The following NR2E1 variants were observed in gnomAD, a reference collection of about 807,000 sequenced individuals.
The protein encoded by NR2E1 is nuclear receptor subfamily 2 group E member 1, also known as nuclear receptor TLX.
A neutral mutation model predicts 43.6 loss-of-function variants in NR2E1; 5 were observed. That is an observed-to-expected ratio of 0.11 (90% CI 0.06 to 0.24). The LOEUF (loss-of-function observed/expected upper bound fraction) is 0.24. NR2E1 is among the 10% of genes least tolerant of loss of function. NR2E1 has a pLI of 1.00. For synonymous variants in NR2E1, 191 were observed against 195.5 expected (o/e 0.98, Z 0.19); for missense variants, 287 against 496.7 (o/e 0.58, Z 4.01).
intron 5 of NR2E1, 111 bp downstream of exon 5, chr6:108,178,352 T>G: frequency 8.9e-7 from 1 of 1,126,130 alleles, no homozygotes; most frequent in Non-Finnish European, 1.3e-6. Flanking sequence ...CAGGCATCCA[T>G]TCTTAATAGC....
In NR2E1 at chr6:108,166,996, G is replaced by C. The variant is rs1287681875; in HGVS notation, c.25+206G>C. Among the ~76,000 whole-genome samples the C allele has an allele frequency of 6.6e-6, 1 of 152,122 alleles. No homozygotes were observed. Among genetic ancestry groups the C allele is most frequent in the Non-Finnish European group, 1.5e-5 (1 of 68,020 alleles). Reference sequence around the variant, plus strand: ...AGAGCCGTTTCGTTGCCTCTGGATTGCTTGATCCCCCCTGTCTGGTGCGGT... The same window carrying C: ...AGAGCCGTTTCGTTGCCTCTGGATTCCTTGATCCCCCCTGTCTGGTGCGGT... On this transcript the variant is annotated intron_variant, in intron 1 of 8. Coordinates refer to ENST00000368986, the MANE Select transcript of NR2E1 (RefSeq NM_003269.5). The surrounding 1 kb of genome is among the most constrained non-coding windows in gnomAD (Gnocchi z 7.2).
chr6:108,176,732 G>A lies in NR2E1; in HGVS notation c.489G>A (p.Thr163=). 1 of 1,567,584 alleles carries A rather than the reference G, an allele frequency of 6.4e-7. No homozygotes were observed. Among genetic ancestry groups the A allele is most frequent in the Non-Finnish European group, 8.6e-7 (1 of 1,162,408 alleles). The stretch of plus-strand genomic sequence containing the variant: ...CCCTCGTGAGCCTGGCTCAGCCCAC[G>A]CCCAAGGTCAGCGGCCTTGCTGGGC... ...RQTLVSLAQP[T]PKYPHEVNGT... The change falls in exon 4 of 9, where the codon ACG becomes ACA. Residue 163 remains threonine, a synonymous_variant. Coordinates refer to ENST00000368986, the MANE Select transcript of NR2E1 (RefSeq NM_003269.5).
At chr6:108,179,985 C>T (rs1002149213) in intron 5 of NR2E1, among the ~76,000 whole-genome samples, 5 of 152,024 alleles carry the variant, frequency 3.3e-5, no homozygotes, top group East Asian at 1.9e-4. Context: ...GGGGAATCCA[C>T]CTGCTGAGCT....
At chr6:108,184,180 G>A (rs1387956926) in intron 8 of NR2E1, among the ~76,000 whole-genome samples, 1 of 152,106 alleles carries the variant, frequency 6.6e-6, no homozygotes, top group Admixed American at 6.6e-5. Context: ...GTAACAGAGT[G>A]AGTGAGACTC....
chr6:108,177,967 T>C, intron 4 of NR2E1, 128 bp from the exon 5 acceptor site: 1 of 995,476 alleles, frequency 1.0e-6, no homozygotes, highest in Non-Finnish European at 1.6e-6. Context: ...GTCAACTGCA[T>C]GTTTAAACAA....
chr6:108,174,512 C>T (rs1422020995), intron 2 of NR2E1, among the ~76,000 whole-genome samples: 1 of 152,078 alleles, frequency 6.6e-6, no homozygotes, highest in Non-Finnish European at 1.5e-5. Context: ...CGGAAGTTCC[C>T]CTAGCGAGAG....
intron 1 of NR2E1, among the ~76,000 whole-genome samples, chr6:108,167,377 C>T (rs538995399): frequency 8.9e-4 from 136 of 152,294 alleles, no homozygotes; most frequent in Non-Finnish European, 1.5e-3. Context: ...AATCCCTAAT[C>T]CCAAGGACTT....
At chr6:108,177,052 G>A (rs1291046033) in intron 4 of NR2E1, among the ~76,000 whole-genome samples, 1 of 152,196 alleles carries the variant, frequency 6.6e-6, no homozygotes, top group African/African-American at 2.4e-5. Context: ...ACACCCACTG[G>A]TAATGGGTGG....
rs1773713359 is a variant in NR2E1 at position 108,166,698 on chromosome 6, G to C, written c.-68G>C. 7.3e-7 allele frequency: 1 copy of C among 1,363,674 alleles called. No individual in the cohort carries two copies. Among genetic ancestry groups the C allele is most frequent in the Non-Finnish European group, 9.6e-7 (1 of 1,038,126 alleles). 84.5% of individuals were successfully genotyped at this position (1,363,674 alleles called of 1,614,324 possible). A position where few individuals can be genotyped will look rare whatever the true frequency, so the allele number is the denominator to read the frequency against. On this transcript the variant is annotated 5_prime_UTR_variant, in exon 1 of 9. Transcript: ENST00000368986. The surrounding 1 kb of genome is among the most constrained non-coding windows in gnomAD (Gnocchi z 7.2). Reference sequence around the variant, plus strand: ...AGCTGGAGAGCGGCGGCGCCCGGCGGCGAGGCGGGCGCTGCCGGCCGGGAC... The same window carrying C: ...AGCTGGAGAGCGGCGGCGCCCGGCGCCGAGGCGGGCGCTGCCGGCCGGGAC...
chr6:108,180,661 T>C lies in NR2E1; in HGVS notation c.740-146T>C, dbSNP rs1773969133. The C allele has an allele frequency of 7.3e-6, 6 of 818,580 alleles. No homozygotes were observed. The East Asian group carries it at 1.6e-4, about 22-fold the overall frequency. The allele number at this position is 818,580 out of a possible 1,614,324, so 50.7% of individuals were successfully genotyped here. On this transcript the variant is annotated intron_variant, in intron 6 of 8. Transcript: ENST00000368986. The surrounding 1 kb of genome is among the most constrained non-coding windows in gnomAD (Gnocchi z 5.4). The stretch of plus-strand genomic sequence containing the variant: ...CCAAGAGAAGATTTTATATTAACTT[T>C]CATACAATATAGCCGGTTTACATGG...
intron 1 of NR2E1, among the ~76,000 whole-genome samples, chr6:108,170,125 C>T (rs1323945250): frequency 1.3e-5 from 2 of 152,186 alleles, no homozygotes; most frequent in South Asian, 2.1e-4. Flanking sequence ...CTACTCCCCT[C>T]GCCCAGACGT....
chr6:108,167,724 G>C (rs1773734627), intron 1 of NR2E1, among the ~76,000 whole-genome samples: 1 of 152,202 alleles, frequency 6.6e-6, no homozygotes, highest in Non-Finnish European at 1.5e-5. Context: ...TGCCGCCGCA[G>C]TCCCCATATC....
Position 108,166,451 on chromosome 6 carries a change from C to T in NR2E1, c.-315C>T, listed in dbSNP as rs781113064. The T allele has an allele frequency of 5.5e-6, 2 of 361,356 alleles. No homozygotes were observed. Among genetic ancestry groups the T allele is most frequent in the Non-Finnish European group, 9.8e-6 (2 of 204,294 alleles). The allele number at this position is 361,356 out of a possible 1,614,324, so 22.4% of individuals were successfully genotyped here. A position where few individuals can be genotyped will look rare whatever the true frequency, so the allele number is the denominator to read the frequency against. On this transcript the variant is annotated 5_prime_UTR_variant, in exon 1 of 9. Coordinates refer to ENST00000368986, the MANE Select transcript of NR2E1 (RefSeq NM_003269.5). This position sits in a 1 kb window ranked among gnomAD's most constrained non-coding sequence, Gnocchi z 7.2. ...CTTTCAACATCCCTCTCTTGCTGTT[C>T]TTCCTTCTTCCTCAGTCTTCCTGTC...
chr6:108,171,234 G>A (rs1254922479), intron 1 of NR2E1, among the ~76,000 whole-genome samples: 1 of 152,126 alleles, frequency 6.6e-6, no homozygotes, highest in East Asian at 1.9e-4. Flanking sequence ...TACATGTAGC[G>A]GTGCATGAAT....
intron 2 of NR2E1, 82 bp downstream of exon 2, chr6:108,171,685 T>G: frequency 6.4e-7 from 1 of 1,571,228 alleles, no homozygotes. Context: ...TCCTCTGAGT[T>G]TCCACGCAGT....
Position 108,167,974 on chromosome 6 carries a change from C to A in NR2E1, c.25+1184C>A, listed in dbSNP as rs1400111325. 2.6e-6 allele frequency: 4 copies of A among 1,543,606 alleles called. No individual in the cohort carries two copies. In the African/African-American group the frequency reaches 5.5e-5, roughly 21 times the overall value. On this transcript the variant is annotated intron_variant, in intron 1 of 8. Transcript: ENST00000368986. ...TTTTCATTTTGTTTTGCTTTGGGTG[C>A]TGACCTTTAAAAAATTAGAGCAAAA...
chr6:108,167,515 G>A (rs1300944880), intron 1 of NR2E1, among the ~76,000 whole-genome samples: 1 of 152,066 alleles, frequency 6.6e-6, no homozygotes, highest in African/African-American at 2.4e-5. Flanking sequence ...TCACCACCCC[G>A]AGACTCACGA....
intron 3 of NR2E1, chr6:108,176,284 C>G: frequency 1.7e-6 from 1 of 594,234 alleles, no homozygotes; most frequent in South Asian, 2.1e-5. Flanking sequence ...GAGCACGGGC[C>G]CCTCTTCTAA....
At position 108,166,830 on chromosome 6, in the gene NR2E1, G is replaced by T. The variant is rs1773716967; in HGVS notation, c.25+40G>T. 1 of 1,578,224 alleles carries T rather than the reference G, an allele frequency of 6.3e-7. No homozygotes were observed. Among genetic ancestry groups the T allele is most frequent in the Non-Finnish European group, 8.6e-7 (1 of 1,165,456 alleles). On this transcript the variant is annotated intron_variant, in intron 1 of 8. Coordinates refer to ENST00000368986, the MANE Select transcript of NR2E1 (RefSeq NM_003269.5). This position sits in a 1 kb window ranked among gnomAD's most constrained non-coding sequence, Gnocchi z 7.2. Reference sequence around the variant, plus strand: ...GGCCGCCGTGGGGCCTAGGCGCGCAGCCTGGGGCGAGCGAGCGGGGAGGCT... The same window carrying T: ...GGCCGCCGTGGGGCCTAGGCGCGCATCCTGGGGCGAGCGAGCGGGGAGGCT...
Sources: allele counts gnomAD v4.1 joint callset (sites outside exome capture counted in the v4.1 genomes callset), GRCh38; gene constraint gnomAD v4.1.1; non-coding constraint Gnocchi (gnomAD v3.1); transcripts MANE v1.5; gene names NCBI Gene and HGNC (gene_info 2026-07-23, HGNC 2026-07-21).